MTA3: variants seen among roughly 807,000 people sequenced by gnomAD.
MTA3 encodes metastasis-associated protein MTA3.
A neutral mutation model predicts 83.5 loss-of-function variants in MTA3; 34 were observed. The ratio of observed to expected loss-of-function variants is 0.41; its 90% CI spans 0.31 to 0.54. The LOEUF is 0.54. MTA3 is among the 20% of genes least tolerant of loss of function. The pLI, the probability that MTA3 is intolerant of heterozygous loss-of-function variation, is 0.33. For synonymous variants in MTA3, 303 were observed against 252.7 expected (o/e 1.20, Z -1.89); for missense variants, 761 against 726.4 (o/e 1.05, Z -0.55).
At chr2:42,724,275 A>ACAC (rs1667639939) in intron 16 of MTA3, among the ~76,000 whole-genome samples, 2 of 82,184 alleles carry the variant, frequency 2.4e-5, no homozygotes, top group Admixed American at 1.3e-4. Flanking sequence ...TAAGTCCTGA[A>ACAC]AAACACACAC....
chr2:42,494,203 C>T, upstream of MTA3: 1 of 152,270 alleles, frequency 6.6e-6, no homozygotes, highest in Non-Finnish European at 1.5e-5. Context: ...GCCGTCCTCC[C>T]CCTCCGCTCC....
At chr2:42,712,830 G>A (rs1666732350) in intron 14 of MTA3, 2 of 151,894 alleles carry the variant, frequency 1.3e-5, no homozygotes, top group Non-Finnish European at 2.9e-5. Flanking sequence ...ACAAATTAGT[G>A]AAGTGTTCCA....
At chr2:42,719,815 G>T (rs896644933) in intron 15 of MTA3, among the ~76,000 whole-genome samples, 2 of 152,146 alleles carry the variant, frequency 1.3e-5, no homozygotes, top group African/African-American at 4.8e-5. Context: ...TCACAATTAA[G>T]AATAGTATAC....
At chr2:42,681,698 A>G (rs1162383320) in intron 8 of MTA3, among the ~76,000 whole-genome samples, 1 of 151,388 alleles carries the variant, frequency 6.6e-6, no homozygotes, top group Non-Finnish European at 1.5e-5. Flanking sequence ...TTTTGCAGAG[A>G]CAGGTCTCAC....
chr2:42,633,261 G>A lies in MTA3; in HGVS notation c.318-6912G>A, dbSNP rs1257175901. 4.6e-5 allele frequency among the ~76,000 whole-genome samples: 7 copies of A among 151,552 alleles called. No homozygotes were observed. The East Asian group carries it at 1.4e-3, about 30-fold the overall frequency. ...ACCACTGTATTCCAGCATGGTGACC[G>A]AGTGAAAGTCTGTCTCAAAAAAAAA... On this transcript the variant is annotated intron_variant, in intron 4 of 16. Transcript: ENST00000405094.
At chr2:42,682,715 A>G (rs1692036036) in intron 9 of MTA3, 126 bp downstream of exon 9, 3 of 837,276 alleles carry the variant, frequency 3.6e-6, no homozygotes, top group Non-Finnish European at 5.5e-6. Flanking sequence ...GCTCAAAGTA[A>G]AATGAAGGTT....
intron 6 of MTA3, among the ~76,000 whole-genome samples, chr2:42,653,337 C>G (rs548573802): frequency 5.3e-5 from 8 of 152,080 alleles, no homozygotes; most frequent in Non-Finnish European, 7.3e-5. Context: ...TGAACATTAA[C>G]ATGGAATTAA....
At chr2:42,562,436 G>A (rs1677713075) in intron 2 of MTA3, among the ~76,000 whole-genome samples, 1 of 152,058 alleles carries the variant, frequency 6.6e-6, no homozygotes, top group Non-Finnish European at 1.5e-5. Flanking sequence ...CACCCCAGCT[G>A]CTTTTCAGGG....
At chr2:42,533,279 G>T in intron 2 of MTA3, 1 of 151,538 alleles carries the variant, frequency 6.6e-6, no homozygotes, top group Non-Finnish European at 1.5e-5. Flanking sequence ...AGTAGAGATG[G>T]GGTTTTACCA....
chr2:42,704,457 C>T lies in MTA3; in HGVS notation c.1150+139C>T, dbSNP rs561981295. On this transcript the variant is annotated intron_variant, in intron 12 of 16. Transcript: ENST00000405094. ...GTCTCCTCTAAATGAGTAGATGCCC[C>T]TCCTTACCTTCTGCCTGGAACAGAG... The T allele has an allele frequency of 2.0e-5, 19 of 944,016 alleles. No homozygotes were observed. In the South Asian group the frequency reaches 2.7e-4, roughly 13 times the overall value. 58.5% of individuals were successfully genotyped at this position (944,016 alleles called of 1,614,324 possible).
intron 3 of MTA3, among the ~76,000 whole-genome samples, chr2:42,599,109 A>G (rs1392364545): frequency 6.6e-6 from 1 of 152,088 alleles, no homozygotes; most frequent in Non-Finnish European, 1.5e-5. Context: ...AATGTCCCAT[A>G]TCCTTTCAGT....
intron 2 of MTA3, among the ~76,000 whole-genome samples, chr2:42,500,855 G>A (rs542053987): frequency 6.9e-6 from 1 of 145,812 alleles, no homozygotes; most frequent in Non-Finnish European, 1.5e-5. Context: ...CTCTCGCCCA[G>A]GCTGGAGTGT....
chr2:42,575,706 GC>G (rs1678963596), intron 2 of MTA3, among the ~76,000 whole-genome samples: 1 of 152,332 alleles, frequency 6.6e-6, no homozygotes, highest in African/African-American at 2.4e-5. Context: ...ACCCTTTTGA[GC>G]CTCACAGAAC....
chr2:42,690,662 A>G (rs1347820966), intron 9 of MTA3, among the ~76,000 whole-genome samples: 4 of 142,152 alleles, frequency 2.8e-5, no homozygotes, highest in Admixed American at 7.4e-5. Flanking sequence ...TATGGGGTAC[A>G]TGAAATTTTT....
At chr2:42,684,012 A>G (rs936678160) in intron 9 of MTA3, among the ~76,000 whole-genome samples, 1 of 152,184 alleles carries the variant, frequency 6.6e-6, no homozygotes. Flanking sequence ...TGATGATTTG[A>G]TATACATATA....
At chr2:42,709,378 T>A (rs1666406991) in intron 14 of MTA3, 1 of 1,099,692 alleles carries the variant, frequency 9.1e-7, no homozygotes, top group Admixed American at 4.2e-5. Context: ...TGGGGTTTTG[T>A]GATGGAATTG....
upstream of MTA3, among the ~76,000 whole-genome samples, chr2:42,567,040 G>A (rs1187313831): frequency 6.6e-6 from 1 of 152,182 alleles, no homozygotes; most frequent in Non-Finnish European, 1.5e-5. Context: ...GCAATGTGTG[G>A]AACAGAACAC....
rs1050226185 is a variant in MTA3 at position 42,754,114 on chromosome 2, G to A, written c.*715G>A. ...TTGGAGAGAAACTGGTGTTCTGCCCGGCTCTGCTTGGTCACAGACAGCTCC... is the reference window on the plus strand; with the variant it reads ...TTGGAGAGAAACTGGTGTTCTGCCCAGCTCTGCTTGGTCACAGACAGCTCC... On this transcript the variant is annotated 3_prime_UTR_variant, in exon 17 of 17. Coordinates refer to ENST00000405094, the MANE Select transcript of MTA3 (RefSeq NM_001330442.2). The A allele has an allele frequency of 1.3e-5, 13 of 985,420 alleles. No homozygotes were observed. The highest frequency in any genetic ancestry group is 1.7e-5 in the African/African-American group (1 of 57,318). 61.0% of individuals were successfully genotyped at this position (985,420 alleles called of 1,614,324 possible). A position where few individuals can be genotyped will look rare whatever the true frequency, so the allele number is the denominator to read the frequency against.
At chr2:42,621,563 C>G (rs1055572912) in intron 4 of MTA3, among the ~76,000 whole-genome samples, 2 of 152,252 alleles carry the variant, frequency 1.3e-5, no homozygotes, top group African/African-American at 2.4e-5. Context: ...TCTGACTTCT[C>G]TATCTTTTCC....
Sources: gnomAD v4.1 joint callset for allele counts (sites outside exome capture counted in the v4.1 genomes callset) on GRCh38, gnomAD v4.1.1 for gene constraint, MANE v1.5 for transcripts, NCBI Gene and HGNC (gene_info 2026-07-23, HGNC 2026-07-21) for gene names.